Variants in TFDP2 observed in about 807,000 individuals in gnomAD.
TFDP2 encodes the protein transcription factor Dp-2 (E2F dimerization partner 2).
In TFDP2, 17 loss-of-function variants were observed where a neutral mutation model predicts 59.3. The observed-to-expected ratio is 0.29, with a 90% CI of 0.20 to 0.43. The LOEUF (loss-of-function observed/expected upper bound fraction) is 0.43, where lower values mean the gene tolerates loss of function less well. Among genes scored for constraint, TFDP2 ranks in the 20% least tolerant of loss-of-function variants. The probability of loss-of-function intolerance (pLI) is 1.00; values close to 1 mark genes in which losing one functional copy is unlikely to be tolerated. For synonymous variants in TFDP2, 180 were observed against 194.7 expected (o/e 0.92, Z 0.63); for missense variants, 391 against 528.8 (o/e 0.74, Z 2.56).
chr3:142,047,801 G>A (rs6794342), intron 3 of TFDP2, among the ~76,000 whole-genome samples: 91,655 of 148,454 alleles, frequency 0.62, 29,502 homozygotes, highest in East Asian at 0.75. Flanking sequence ...GCAGTCAGTG[G>A]CGCGATCTTG....
intron 2 of TFDP2, among the ~76,000 whole-genome samples, chr3:142,095,123 T>C (rs1294915608): frequency 6.6e-6 from 1 of 152,106 alleles, no homozygotes; most frequent in East Asian, 1.9e-4. Flanking sequence ...CCCAAGTAGC[T>C]GGGATTACAG....
At chr3:142,103,496 T>C (rs1010530372) in intron 1 of TFDP2, among the ~76,000 whole-genome samples, 6 of 152,204 alleles carry the variant, frequency 3.9e-5, no homozygotes, top group African/African-American at 1.2e-4. Flanking sequence ...GAGTTTTCTA[T>C]AATTGAGTGT....
intron 9 of TFDP2, among the ~76,000 whole-genome samples, chr3:141,968,017 GC>G (rs1198840161): frequency 6.6e-6 from 1 of 151,576 alleles, no homozygotes; most frequent in Non-Finnish European, 1.5e-5. Context: ...TTCCAGGAGG[GC>G]CCCAGCACAG....
At chr3:142,034,134 T>G (rs777017614) in intron 3 of TFDP2, among the ~76,000 whole-genome samples, 3 of 148,176 alleles carry the variant, frequency 2.0e-5, no homozygotes, top group Non-Finnish European at 4.5e-5. Flanking sequence ...TTGCTCCTGT[T>G]GCCCAGGCTG....
intron 3 of TFDP2, among the ~76,000 whole-genome samples, chr3:142,020,808 G>T (rs1233550175): frequency 5.3e-5 from 8 of 151,482 alleles, no homozygotes; most frequent in Admixed American, 5.3e-4. Context: ...ACATAGTAAG[G>T]CCTCATCTCT....
At chr3:142,128,433 A>G (rs2062357617) in intron 1 of TFDP2, among the ~76,000 whole-genome samples, 1 of 152,222 alleles carries the variant, frequency 6.6e-6, no homozygotes, top group South Asian at 2.1e-4. Context: ...TGCGAGGGAA[A>G]GTGATCCAAG....
At chr3:142,134,078 T>C (rs2062621766) in intron 1 of TFDP2, among the ~76,000 whole-genome samples, 1 of 146,774 alleles carries the variant, frequency 6.8e-6, no homozygotes, top group Admixed American at 6.8e-5. Flanking sequence ...GAGGAAGCAT[T>C]ATGAAGGCAA....
At chr3:142,088,156 T>C (rs890414191) in intron 3 of TFDP2, among the ~76,000 whole-genome samples, 1 of 152,174 alleles carries the variant, frequency 6.6e-6, no homozygotes, top group African/African-American at 2.4e-5. Context: ...AGTAAGTAAG[T>C]ACTATTCAAT....
In TFDP2 at chr3:142,121,468, G is replaced by T. The variant is rs989774249; in HGVS notation, c.-92-19627C>A. Among the ~76,000 whole-genome samples the T allele has an allele frequency of 6.6e-6, 1 of 152,138 alleles. No individual in the cohort carries two copies. Among genetic ancestry groups the T allele is most frequent in the Non-Finnish European group, 1.5e-5 (1 of 68,024 alleles). ...TAACTCGAGTTAAATTAGTAATAGA[G>T]ATAATTAGTTAAAATTACAGAATTA... is the stretch of plus-strand genomic sequence containing the variant. On this transcript the variant is annotated intron_variant, in intron 1 of 12. Transcript: ENST00000489671. This position sits in a 1 kb window ranked among gnomAD's most constrained non-coding sequence, Gnocchi z 4.3.
intron 3 of TFDP2, among the ~76,000 whole-genome samples, chr3:142,088,775 C>A (rs2060898224): frequency 6.6e-6 from 1 of 151,664 alleles, no homozygotes; most frequent in African/African-American, 2.4e-5. Flanking sequence ...TGTGCCCAGA[C>A]CAGCTATCTT....
At chr3:142,062,122 G>A (rs1366053675) in intron 3 of TFDP2, among the ~76,000 whole-genome samples, 1 of 151,628 alleles carries the variant, frequency 6.6e-6, no homozygotes, top group Non-Finnish European at 1.5e-5. Context: ...TACACTTAAT[G>A]AATGGTACAC....
intron 6 of TFDP2, among the ~76,000 whole-genome samples, chr3:141,990,726 C>A (rs1942672778): frequency 6.6e-6 from 1 of 152,066 alleles, no homozygotes; most frequent in Non-Finnish European, 1.5e-5. Context: ...AATGTATAAA[C>A]CTTATATATT....
chr3:142,140,201 T>A (rs574021926), intron 1 of TFDP2, among the ~76,000 whole-genome samples: 2 of 152,244 alleles, frequency 1.3e-5, no homozygotes, highest in African/African-American at 4.8e-5. Flanking sequence ...TCTCATGCCA[T>A]GGTTTTCAGC....
chr3:142,093,463 G>A (rs1286813071), intron 2 of TFDP2, among the ~76,000 whole-genome samples: 2 of 150,936 alleles, frequency 1.3e-5, no homozygotes, highest in African/African-American at 2.4e-5. Flanking sequence ...AAAAAAAAAA[G>A]GTGAGGGGAA....
intron 1 of TFDP2, among the ~76,000 whole-genome samples, chr3:142,113,354 G>T (rs1577014880): frequency 1.3e-5 from 2 of 152,014 alleles, no homozygotes; most frequent in East Asian, 3.9e-4. Context: ...CGCCTCCCGG[G>T]TTCAAGCGAT....
intron 3 of TFDP2, chr3:142,043,652 A>C: frequency 1.1e-6 from 1 of 941,704 alleles, no homozygotes; most frequent in Non-Finnish European, 1.8e-6. Flanking sequence ...TCCTTAGACA[A>C]AGTCTTGATG....
chr3:142,032,815 G>A (rs916497681), intron 3 of TFDP2, among the ~76,000 whole-genome samples: 2 of 152,092 alleles, frequency 1.3e-5, no homozygotes, highest in African/African-American at 4.8e-5. Context: ...AACAAAATGA[G>A]AAATATAACT....
At chr3:141,958,476 G>C (rs1936964696) in intron 11 of TFDP2, among the ~76,000 whole-genome samples, 1 of 152,006 alleles carries the variant, frequency 6.6e-6, no homozygotes, top group Non-Finnish European at 1.5e-5. Flanking sequence ...TACCATTTTG[G>C]TTTATCTCTA....
intron 6 of TFDP2, among the ~76,000 whole-genome samples, chr3:141,979,199 G>C (rs975194488): frequency 2.6e-5 from 4 of 152,264 alleles, no homozygotes; most frequent in Admixed American, 2.0e-4. Context: ...GTTAATGTGA[G>C]TAATAATGCA....
Sources: allele counts gnomAD v4.1 joint callset (sites outside exome capture counted in the v4.1 genomes callset), GRCh38; gene constraint gnomAD v4.1.1; non-coding constraint Gnocchi (gnomAD v3.1); transcripts MANE v1.5; gene names NCBI Gene and HGNC (gene_info 2026-07-23, HGNC 2026-07-21).